PGAP2: variants seen among roughly 807,000 people sequenced by gnomAD.
The protein encoded by PGAP2 is post-GPI attachment to proteins 2.
In PGAP2, 21 loss-of-function variants were observed where a neutral mutation model predicts 33.2. The ratio of observed to expected loss-of-function variants is 0.63; its 90% CI spans 0.45 to 0.91. PGAP2 has a LOEUF of 0.91. Among genes scored for constraint, PGAP2 ranks in the 40% least tolerant of loss-of-function variants. PGAP2 has a pLI of 0.00. For synonymous variants in PGAP2, 161 were observed against 172.9 expected (o/e 0.93, Z 0.54); for missense variants, 345 against 424.0 (o/e 0.81, Z 1.64).
At chr11:3,823,745 G>A (rs778383598) in intron 3 of PGAP2, 138 bp from the exon 4 acceptor site, 1 of 1,598,646 alleles carries the variant, frequency 6.3e-7, no homozygotes, top group Non-Finnish European at 8.5e-7. Flanking sequence ...GGAGAGGTAT[G>A]GGGACATCTG....
intron 1 of PGAP2, among the ~76,000 whole-genome samples, chr11:3,810,684 CTTGGGGTT>C (rs2085358589): frequency 1.3e-5 from 2 of 152,182 alleles, no homozygotes; most frequent in Non-Finnish European, 2.9e-5. Flanking sequence ...AAGCAGGGGG[CTTGGGGTT>C]CTGTCAGCTT....
rs922995073 is a variant in PGAP2 at position 3,817,319 on chromosome 11, C to T, written c.166-34C>T. On this transcript the variant is annotated intron_variant, in intron 2 of 6. Coordinates refer to ENST00000278243, the MANE Select transcript of PGAP2 (RefSeq NM_014489.4). ...CACTTTCCCAGACCCAGGTGTCCTA[C>T]CAGGCCCCAAGTTGTATCCCTCGTG... 6.4e-6 allele frequency: 10 copies of T among 1,570,958 alleles called. No individual in the cohort carries two copies. The Admixed American group carries it at 8.9e-5, about 14-fold the overall frequency.
intron 1 of PGAP2, chr11:3,798,212 A>G (rs1377100025): frequency 4.3e-6 from 5 of 1,149,958 alleles, no homozygotes; most frequent in Non-Finnish European, 5.7e-6. Flanking sequence ...CTGAATTTCT[A>G]GGATGGACAT....
intron 3 of PGAP2, chr11:3,823,506 TG>T: frequency 8.4e-7 from 1 of 1,187,356 alleles, no homozygotes; most frequent in Non-Finnish European, 1.2e-6. Context: ...CCCTGTCCTC[TG>T]GACTGAATCT....
intron 3 of PGAP2, among the ~76,000 whole-genome samples, chr11:3,818,515 G>C (rs1053506155): frequency 6.6e-6 from 1 of 152,126 alleles, no homozygotes; most frequent in Non-Finnish European, 1.5e-5. Context: ...CTTTGGCCCA[G>C]ACTCGGGGAC....
Position 3,798,385 on chromosome 11 carries a change from A to C in PGAP2, c.139+403A>C, listed in dbSNP as rs560618040. 2.0e-5 allele frequency among the ~76,000 whole-genome samples: 3 copies of C among 152,012 alleles called. No homozygotes were observed. The South Asian group carries it at 6.2e-4, about 31-fold the overall frequency. On this transcript the variant is annotated intron_variant, in intron 1 of 6. Transcript: ENST00000300730. ...CGCGTTGTCGCCTAGGGTGGAGTGC[A>C]TTGGCGCAATCTCGGCTCACTGCAA...
upstream of PGAP2, among the ~76,000 whole-genome samples, chr11:3,807,233 G>A (rs1439425338): frequency 6.7e-6 from 1 of 149,898 alleles, no homozygotes; most frequent in Non-Finnish European, 1.5e-5. Flanking sequence ...AGCTACTCGG[G>A]AGGCTGAGGC....
chr11:3,813,636 C>T (rs1028075525), intron 2 of PGAP2, among the ~76,000 whole-genome samples: 4 of 152,140 alleles, frequency 2.6e-5, no homozygotes, highest in African/African-American at 9.7e-5. Context: ...CCTCCCACCT[C>T]GACTCCCAAA....
At chr11:3,824,190 G>A (rs1267584030) in intron 4 of PGAP2, 55 bp downstream of exon 4, 1 of 1,612,072 alleles carries the variant, frequency 6.2e-7, no homozygotes, top group Non-Finnish European at 8.5e-7. Context: ...GGACGGGCCT[G>A]CCCCTACCAC....
At chr11:3,805,160 C>T (rs1293602420), upstream of PGAP2, among the ~76,000 whole-genome samples, 1 of 152,016 alleles carries the variant, frequency 6.6e-6, no homozygotes, top group African/African-American at 2.4e-5. Context: ...CTGTGGCTGA[C>T]ATGTCTAATC....
upstream of PGAP2, among the ~76,000 whole-genome samples, chr11:3,807,660 T>C (rs2084660336): frequency 2.0e-5 from 3 of 152,086 alleles, no homozygotes; most frequent in Admixed American, 2.0e-4. Context: ...TAAGAGTGCC[T>C]GGGATATACT....
At chr11:3,813,589 T>C (rs2080622316) in intron 2 of PGAP2, among the ~76,000 whole-genome samples, 1 of 152,162 alleles carries the variant, frequency 6.6e-6, no homozygotes, top group Admixed American at 6.6e-5. Context: ...CTCACACTGT[T>C]GCCCAGGCTG....
upstream of PGAP2, among the ~76,000 whole-genome samples, chr11:3,806,447 A>G (rs1283535667): frequency 6.6e-6 from 1 of 152,232 alleles, no homozygotes; most frequent in Non-Finnish European, 1.5e-5. Context: ...CACCTTCTCC[A>G]GACTTCGGAG....
At chr11:3,823,732 T>C in intron 3 of PGAP2, 151 bp from the exon 4 acceptor site, 4 of 1,598,152 alleles carry the variant, frequency 2.5e-6, no homozygotes, top group South Asian at 1.1e-5. Flanking sequence ...GAGAGGTCTT[T>C]TGGGAGAGGT....
Position 3,808,648 on chromosome 11 carries a change from G to GT in PGAP2, c.-13dup. 7.9e-7 allele frequency: 1 copy of GT among 1,266,312 alleles called. No homozygotes were observed. The allele number at this position is 1,266,312 out of a possible 1,614,324, so 78.4% of individuals were successfully genotyped here. A position where few individuals can be genotyped will look rare whatever the true frequency, so the allele number is the denominator to read the frequency against. On this transcript the variant is annotated 5_prime_UTR_variant, in exon 1 of 7. Coordinates refer to ENST00000278243, the MANE Select transcript of PGAP2 (RefSeq NM_014489.4). Reference sequence around the variant, plus strand: ...CCGCCGGCACTCTCGCCACCACCGCGTGGGTGAGTATGGGCATGGATGTGC... The same window carrying GT: ...CCGCCGGCACTCTCGCCACCACCGCGTTGGGTGAGTATGGGCATGGATGTGC...
chr11:3,798,968 G>C lies in PGAP2; in HGVS notation c.139+986G>C, dbSNP rs536692295. Among the ~76,000 whole-genome samples the C allele has an allele frequency of 8.7e-4, 133 of 152,318 alleles. 1 individual carries two copies. The highest frequency in any genetic ancestry group is 3.1e-3 in the African/African-American group (130 of 41,574). On this transcript the variant is annotated intron_variant, in intron 1 of 6. Transcript: ENST00000300730. ...GAACCCCTACTTATTCTTAAAGGAC[G>C]GGTATTTCAAATGTTCCCATCTTCT...
chr11:3,815,567 A>G (rs1016774501), intron 2 of PGAP2, among the ~76,000 whole-genome samples: 1 of 152,040 alleles, frequency 6.6e-6, no homozygotes, highest in African/African-American at 2.4e-5. Context: ...CCTTCAGGCA[A>G]CCTTCCAAGG....
chr11:3,800,458 GATTTA>G (rs766318811), intron 1 of PGAP2, among the ~76,000 whole-genome samples: 3 of 152,110 alleles, frequency 2.0e-5, no homozygotes, highest in Non-Finnish European at 4.4e-5. Context: ...TTTGGATGCA[GATTTA>G]ATTTAATTCA....
At chr11:3,822,864 C>A in intron 3 of PGAP2, 3 of 1,077,788 alleles carry the variant, frequency 2.8e-6, no homozygotes, top group Non-Finnish European at 4.1e-6. Flanking sequence ...ACAAGCAAGA[C>A]ACCAGTCCCT....
Sources: allele counts gnomAD v4.1 joint callset (sites outside exome capture counted in the v4.1 genomes callset), GRCh38; gene constraint gnomAD v4.1.1; transcripts MANE v1.5; gene names NCBI Gene and HGNC (gene_info 2026-07-23, HGNC 2026-07-21).